The following RB1CC1 variants were observed in gnomAD, a reference collection of about 807,000 sequenced individuals.
RB1CC1 encodes RB1 inducible coiled-coil 1, also known as RB1-inducible coiled-coil protein 1.
RB1CC1 carries 46 observed loss-of-function variants against 177.5 expected under a neutral mutation model. That is an observed-to-expected ratio of 0.26 (90% CI 0.20 to 0.33). RB1CC1 has a LOEUF of 0.33. RB1CC1 is among the 10% of genes least tolerant of loss of function. The pLI, the probability that RB1CC1 is intolerant of heterozygous loss-of-function variation, is 1.00. For synonymous variants in RB1CC1, 666 were observed against 613.6 expected (o/e 1.09, Z -1.26); for missense variants, 1,703 against 1,816.3 (o/e 0.94, Z 1.13).
At position 52,658,873 on chromosome 8, in the gene RB1CC1, C is replaced by A; in HGVS notation, c.1793G>T (p.Arg598Met). Residue 598 changes from arginine (R) to methionine (M), a missense_variant and splice_region_variant, in exon 13 of 24, where the codon AGG (arginine) becomes ATG (methionine). By Grantham distance (91) the Arg-to-Met change is moderately conservative (BLOSUM62 -1). Transcript: ENST00000025008. ...FCPSEVQPFL[R>M]VPLLCDFEPL... is the part of the protein sequence containing the mutation. Reference sequence around the variant, plus strand: ...AACTGAAAATACTAATGACATTTACCTGAGGAATGGCTGAACTTCCGAAGG... The same window carrying A: ...AACTGAAAATACTAATGACATTTACATGAGGAATGGCTGAACTTCCGAAGG... 6.4e-7 allele frequency: 1 copy of A among 1,551,614 alleles called. No individual in the cohort carries two copies. Among genetic ancestry groups the A allele is most frequent in the African/African-American group, 1.4e-5 (1 of 72,140 alleles).
intron 6 of RB1CC1, among the ~76,000 whole-genome samples, chr8:52,674,829 G>A (rs1022897211): frequency 8.6e-5 from 13 of 151,358 alleles, no homozygotes; most frequent in African/African-American, 1.7e-4. Flanking sequence ...TGAACACTAG[G>A]CTTTTACAAA....
intron 1 of RB1CC1, among the ~76,000 whole-genome samples, chr8:52,698,467 C>G (rs147239271): frequency 3.3e-5 from 5 of 151,654 alleles, no homozygotes; most frequent in African/African-American, 9.7e-5. Context: ...GGACTACCAC[C>G]ACGCCCAGCC....
chr8:52,659,758 G>A (rs1851445555), intron 12 of RB1CC1, among the ~76,000 whole-genome samples: 1 of 152,222 alleles, frequency 6.6e-6, no homozygotes, highest in African/African-American at 2.4e-5. Flanking sequence ...AACAATTTGG[G>A]AGGCCAAGGT....
chr8:52,657,419 C>T lies in RB1CC1; in HGVS notation c.2410G>A (p.Val804Ile), dbSNP rs750475940. The stretch of plus-strand genomic sequence containing the variant: ...ATACTGAAGTGAGAGTCTTGGGCAA[C>T]AACTCTACATCTTTCCAACTGGACA... ...LNVQLERCRV[V>I]AQDSHFSIQT... Residue 804 changes from valine (V) to isoleucine (I), a missense_variant, in exon 15 of 24, where the codon GTT becomes ATT. Coordinates refer to ENST00000025008, the MANE Select transcript of RB1CC1 (RefSeq NM_014781.5). 2 of 1,613,856 alleles carry T rather than the reference C, an allele frequency of 1.2e-6. No homozygotes were observed. The highest frequency in any genetic ancestry group is 1.7e-6 in the Non-Finnish European group (2 of 1,179,986).
chr8:52,689,108 C>G (rs1340847843), intron 1 of RB1CC1, among the ~76,000 whole-genome samples: 1 of 152,180 alleles, frequency 6.6e-6, no homozygotes, highest in Non-Finnish European at 1.5e-5. Context: ...TCCAATCCCT[C>G]TGAAACTCAA....
intron 20 of RB1CC1, among the ~76,000 whole-genome samples, chr8:52,633,873 A>G (rs1211080362): frequency 6.6e-6 from 1 of 152,114 alleles, no homozygotes; most frequent in East Asian, 1.9e-4. Context: ...CGGATCGCTT[A>G]AGCTCAGCAG....
intron 1 of RB1CC1, among the ~76,000 whole-genome samples, chr8:52,699,836 T>A (rs1312507622): frequency 2.9e-3 from 200 of 68,710 alleles, no homozygotes; most frequent in African/African-American, 4.6e-3. Context: ...AAAAAATATA[T>A]ATATATATAT....
intron 1 of RB1CC1, among the ~76,000 whole-genome samples, chr8:52,701,933 A>G (rs929938949): frequency 3.3e-5 from 5 of 151,838 alleles, no homozygotes. Context: ...TCAGCCTCCC[A>G]AGTAGCTGGG....
At chr8:52,658,249 G>A (rs932938375) in intron 13 of RB1CC1, 125 bp from the exon 14 acceptor site, 5 of 1,109,812 alleles carry the variant, frequency 4.5e-6, no homozygotes, top group Non-Finnish European at 5.0e-6. Context: ...ATTAATACCA[G>A]AAGTATTTTA....
rs763401386 is a variant in RB1CC1 at position 52,661,732 on chromosome 8, A to G, written c.1174-13T>C. On this transcript the variant is annotated splice_polypyrimidine_tract_variant and intron_variant, in intron 8 of 23. Coordinates refer to ENST00000025008, the MANE Select transcript of RB1CC1 (RefSeq NM_014781.5). ...TAGCTAAAAATCCCTTTGAGAAAAA[A>G]AATGTTTCAAAGGACATTAATTTTG... 3 of 1,528,598 alleles carry G rather than the reference A, an allele frequency of 2.0e-6. No individual in the cohort carries two copies. Among genetic ancestry groups the G allele is most frequent in the Non-Finnish European group, 2.6e-6 (3 of 1,140,784 alleles). 94.7% of individuals were successfully genotyped at this position (1,528,598 alleles called of 1,614,324 possible).
At chr8:52,681,949 C>CA (rs2150586547) in intron 5 of RB1CC1, among the ~76,000 whole-genome samples, 1 of 152,316 alleles carries the variant, frequency 6.6e-6, no homozygotes, top group East Asian at 1.9e-4. Flanking sequence ...AGCCCCCACA[C>CA]AGAGTCCCTA....
chr8:52,630,678 T>C (rs533239512), intron 20 of RB1CC1, 150 bp from the exon 21 acceptor site: 88 of 706,690 alleles, frequency 1.2e-4, no homozygotes, highest in Admixed American at 1.0e-3. Flanking sequence ...TCATTAATAA[T>C]TCCTTTATTT....
intron 15 of RB1CC1, among the ~76,000 whole-genome samples, chr8:52,648,927 T>G (rs1850307086): frequency 6.6e-6 from 1 of 152,166 alleles, no homozygotes; most frequent in Non-Finnish European, 1.5e-5. Flanking sequence ...AAAGGTTACT[T>G]GAACACAAGG....
In RB1CC1 at chr8:52,683,993, G is replaced by A. The variant is rs779669442; in HGVS notation, c.92C>T (p.Ala31Val). The change falls in exon 4 of 24, where the codon GCC (alanine) becomes GTC (valine). Residue 31 changes from alanine to valine, a missense_variant. By Grantham distance (64) the Ala-to-Val change is moderately conservative. Transcript: ENST00000025008. The part of the protein sequence containing the change: ...TVQTVADLKH[A>V]IQSKYKIAIQ... ...AGCAATCTTGTATTTGCTTTGAATG[G>A]CATGCTTAAGGTCTGCCACACTTCA... 6.2e-6 allele frequency: 10 copies of A among 1,613,332 alleles called. No individual in the cohort carries two copies. Among genetic ancestry groups the A allele is most frequent in the East Asian group, 4.5e-5 (2 of 44,860 alleles).
chr8:52,688,711 C>A (rs1017845196), intron 1 of RB1CC1, among the ~76,000 whole-genome samples: 2 of 152,082 alleles, frequency 1.3e-5, no homozygotes, highest in Non-Finnish European at 2.9e-5. Context: ...TGATCTTGTA[C>A]CTACTCCCTG....
intron 8 of RB1CC1, among the ~76,000 whole-genome samples, chr8:52,661,924 A>G (rs1214349551): frequency 7.9e-5 from 12 of 151,972 alleles, no homozygotes; most frequent in Admixed American, 7.9e-4. Context: ...CTCATCTTTA[A>G]TTTTTCAAAC....
At chr8:52,664,681 AG>A (rs1851920315) in intron 8 of RB1CC1, among the ~76,000 whole-genome samples, 1 of 152,168 alleles carries the variant, frequency 6.6e-6, no homozygotes, top group African/African-American at 2.4e-5. Context: ...GGATTCAGGG[AG>A]GTTAAATGGT....
intron 5 of RB1CC1, 26 bp downstream of exon 5, chr8:52,683,523 A>G: frequency 6.6e-7 from 1 of 1,511,818 alleles, no homozygotes; most frequent in Non-Finnish European, 8.9e-7. Flanking sequence ...AGAAACAATC[A>G]GTTAAAATAA....
intron 1 of RB1CC1, among the ~76,000 whole-genome samples, chr8:52,709,314 A>G (rs1856859316): frequency 6.6e-6 from 1 of 152,264 alleles, no homozygotes; most frequent in African/African-American, 2.4e-5. Context: ...GAAAAGAACC[A>G]GAAAGTATCT....
Sources: gnomAD v4.1 joint callset for allele counts (sites outside exome capture counted in the v4.1 genomes callset) on GRCh38, gnomAD v4.1.1 for gene constraint, MANE v1.5 for transcripts, NCBI Gene and HGNC (gene_info 2026-07-23, HGNC 2026-07-21) for gene names.